Variants in GPATCH2 observed in about 807,000 individuals in gnomAD.
The protein encoded by GPATCH2 is G-patch domain containing 2.
In GPATCH2, 51 loss-of-function variants were observed where a neutral mutation model predicts 58.0. The ratio of observed to expected loss-of-function variants is 0.88; its 90% CI spans 0.70 to 1.11. The LOEUF (loss-of-function observed/expected upper bound fraction) is 1.11. Ranked by LOEUF, GPATCH2 falls within the 50% of genes most tolerant of loss-of-function variation. GPATCH2 has a pLI of 0.00. For synonymous variants in GPATCH2, 222 were observed against 218.5 expected (o/e 1.02, Z -0.14); for missense variants, 625 against 652.2 (o/e 0.96, Z 0.45).
intron 5 of GPATCH2, among the ~76,000 whole-genome samples, chr1:217,537,248 A>T: frequency 6.6e-6 from 1 of 152,222 alleles, no homozygotes; most frequent in Non-Finnish European, 1.5e-5. Context: ...ACTTTACCGT[A>T]TTATATTAAG....
rs146247325 is a variant in GPATCH2 at position 217,627,620 on chromosome 1, C to A, written c.56+3296G>T. Among the ~76,000 whole-genome samples the A allele has an allele frequency of 4.0e-3, 616 of 152,136 alleles. 5 individuals are homozygous for A. The highest frequency in any genetic ancestry group is 0.014 in the African/African-American group (577 of 41,544). On this transcript the variant is annotated intron_variant, in intron 1 of 9. Coordinates refer to ENST00000366935, the MANE Select transcript of GPATCH2 (RefSeq NM_018040.5). ...ATTCAATCACGGGTGCTCCTGGCAG[C>A]TTCTACTTTGTCACCTTTGTTACCA...
At chr1:217,494,943 T>C (rs571178027) in intron 7 of GPATCH2, 11 of 172,322 alleles carry the variant, frequency 6.4e-5, no homozygotes, top group Non-Finnish European at 8.1e-5. Context: ...GGTTGCTTTC[T>C]GGATTCTGAC....
At chr1:217,468,794 A>G (rs761430436) in intron 8 of GPATCH2, among the ~76,000 whole-genome samples, 1 of 151,944 alleles carries the variant, frequency 6.6e-6, no homozygotes, top group Non-Finnish European at 1.5e-5. Flanking sequence ...ACACTGATGT[A>G]TTTCAGTGGG....
chr1:217,532,357 A>G (rs1664234389), intron 5 of GPATCH2, among the ~76,000 whole-genome samples: 1 of 152,212 alleles, frequency 6.6e-6, no homozygotes, highest in Non-Finnish European at 1.5e-5. Context: ...GAGAGATTAA[A>G]ACAACTTACC....
chr1:217,626,631 T>C (rs1389116920), intron 1 of GPATCH2, among the ~76,000 whole-genome samples: 2 of 152,210 alleles, frequency 1.3e-5, no homozygotes, highest in African/African-American at 4.8e-5. Context: ...TGGGAATTTA[T>C]ATATTTCCCT....
chr1:217,494,011 A>T (rs191045351), intron 7 of GPATCH2, among the ~76,000 whole-genome samples: 2 of 152,282 alleles, frequency 1.3e-5, no homozygotes, highest in Admixed American at 1.3e-4. Context: ...AATTATAAGG[A>T]CCAAAATAAA....
chr1:217,590,655 G>A (rs1667550827), intron 5 of GPATCH2, among the ~76,000 whole-genome samples: 2 of 152,150 alleles, frequency 1.3e-5, no homozygotes, highest in Admixed American at 1.3e-4. Flanking sequence ...ACCAGGGAAT[G>A]CACTTTCTAG....
intron 5 of GPATCH2, among the ~76,000 whole-genome samples, chr1:217,535,593 C>T (rs972782672): frequency 1.3e-5 from 2 of 152,178 alleles, no homozygotes; most frequent in South Asian, 2.1e-4. Flanking sequence ...CCTCGTGATC[C>T]ATCCGCCTCG....
intron 9 of GPATCH2, among the ~76,000 whole-genome samples, chr1:217,447,832 A>C (rs12117529): frequency 0.016 from 2,396 of 152,256 alleles, 19 homozygotes; most frequent in Middle Eastern, 0.054. Context: ...GTGGCTCACG[A>C]GCCACCTGTA....
intron 5 of GPATCH2, among the ~76,000 whole-genome samples, chr1:217,561,755 T>C (rs113495040): frequency 6.6e-6 from 1 of 152,114 alleles, no homozygotes; most frequent in Non-Finnish European, 1.5e-5. Flanking sequence ...TTTTCATCCC[T>C]TGACAAGTGC....
chr1:217,578,251 C>T (rs575404264), intron 5 of GPATCH2, among the ~76,000 whole-genome samples: 1 of 151,720 alleles, frequency 6.6e-6, no homozygotes, highest in East Asian at 1.9e-4. Flanking sequence ...AATTTTAAGA[C>T]CGGGTCTTGC....
intron 5 of GPATCH2, among the ~76,000 whole-genome samples, chr1:217,596,546 A>C (rs1468075497): frequency 2.6e-5 from 4 of 152,210 alleles, no homozygotes. Context: ...ACACCTGGCA[A>C]TTAATAAGAA....
intron 5 of GPATCH2, among the ~76,000 whole-genome samples, chr1:217,565,827 C>A (rs565770276): frequency 6.6e-6 from 1 of 152,054 alleles, no homozygotes; most frequent in Non-Finnish European, 1.5e-5. Context: ...CTAGGCCAGG[C>A]GCAGTGGCTC....
chr1:217,444,723 T>C (rs1245710036), intron 9 of GPATCH2, among the ~76,000 whole-genome samples: 1 of 152,196 alleles, frequency 6.6e-6, no homozygotes, highest in Non-Finnish European at 1.5e-5. Flanking sequence ...TTAAAATTAA[T>C]AACAATCCCC....
At chr1:217,549,537 C>T (rs1379369219) in intron 5 of GPATCH2, among the ~76,000 whole-genome samples, 1 of 141,792 alleles carries the variant, frequency 7.1e-6, no homozygotes. Flanking sequence ...CCTTATGACA[C>T]AAACAAATGG....
rs1409386616 is a variant in GPATCH2 at position 217,479,873 on chromosome 1, G to T, written c.1277+11807C>A. Reference sequence around the variant, plus strand: ...AGAGCAGGAATAGCTATATTTATGTGAGACAAAATAGATTTCAAGACAAAA... The same window carrying T: ...AGAGCAGGAATAGCTATATTTATGTTAGACAAAATAGATTTCAAGACAAAA... On this transcript the variant is annotated intron_variant, in intron 8 of 9. Transcript: ENST00000366935. Among the ~76,000 whole-genome samples, 11 of 152,046 alleles carry T rather than the reference G, an allele frequency of 7.2e-5. 1 individual carries two copies. In the South Asian group the frequency reaches 1.7e-3, roughly 23 times the overall value.
chr1:217,509,160 T>A (rs925256293), intron 6 of GPATCH2, among the ~76,000 whole-genome samples: 1 of 151,958 alleles, frequency 6.6e-6, no homozygotes, highest in Non-Finnish European at 1.5e-5. Flanking sequence ...GGTAACATGG[T>A]GAAACCTCAT....
chr1:217,455,948 TG>T (rs1166991956), intron 8 of GPATCH2, among the ~76,000 whole-genome samples: 1 of 151,960 alleles, frequency 6.6e-6, no homozygotes, highest in Non-Finnish European at 1.5e-5. Flanking sequence ...AGAATTTGGC[TG>T]GGGATAGTCA....
chr1:217,472,603 A>G (rs983275164), intron 8 of GPATCH2, among the ~76,000 whole-genome samples: 2 of 152,132 alleles, frequency 1.3e-5, no homozygotes, highest in African/African-American at 4.8e-5. Flanking sequence ...TGCCCAGTCC[A>G]ACAGACTTTC....
Sources: gnomAD v4.1 joint callset for allele counts (sites outside exome capture counted in the v4.1 genomes callset) on GRCh38, gnomAD v4.1.1 for gene constraint, MANE v1.5 for transcripts, NCBI Gene and HGNC (gene_info 2026-07-23, HGNC 2026-07-21) for gene names.